Variants in CUZD1 observed in about 807,000 individuals in gnomAD.
The protein encoded by CUZD1 is CUB and zona pellucida like domains 1, also known as CUB and zona pellucida-like domain-containing protein 1.
A neutral mutation model predicts 53.1 loss-of-function variants in CUZD1; 42 were observed. The observed-to-expected ratio is 0.79, with a 90% CI of 0.62 to 1.02. CUZD1 has a LOEUF of 1.02. Among genes scored for constraint, CUZD1 ranks in the 50% least tolerant of loss-of-function variants. The probability of loss-of-function intolerance (pLI) is 0.00; values close to 1 mark genes in which losing one functional copy is unlikely to be tolerated. For synonymous variants in CUZD1, 238 were observed against 257.2 expected, an observed-to-expected ratio of 0.93 and a Z score of 0.71; for missense variants, 670 against 715.7, an observed-to-expected ratio of 0.94 and a Z score of 0.73.
At chr10:122,838,463 C>T (rs573090381) in intron 3 of CUZD1, among the ~76,000 whole-genome samples, 7 of 152,280 alleles carry the variant, frequency 4.6e-5, no homozygotes, top group African/African-American at 1.7e-4. Flanking sequence ...AATGTAGCCT[C>T]CAATCACCTG....
rs746422142 is a variant in CUZD1 at position 122,832,491 on chromosome 10, G to A, written c.1652-41C>T. 10 of 1,588,680 alleles carry A rather than the reference G, an allele frequency of 6.3e-6. No individual in the cohort carries two copies. In the South Asian group the frequency reaches 1.1e-4, roughly 18 times the overall value. On this transcript the variant is annotated intron_variant, in intron 8 of 8. Coordinates refer to ENST00000392790, the MANE Select transcript of CUZD1 (RefSeq NM_022034.6). ...AGATGAAAATCACTTTTTAAGAAGT[G>A]TTCACATTATAAAATGTTGGTAGCT... is the stretch of plus-strand genomic sequence containing the variant.
intron 7 of CUZD1, among the ~76,000 whole-genome samples, chr10:122,834,206 C>T (rs1318490567): frequency 6.6e-6 from 1 of 152,126 alleles, no homozygotes; most frequent in African/African-American, 2.4e-5. Context: ...TCCTTACGTG[C>T]TTATCATTAA....
At chr10:122,841,613 T>G (rs1252799639) in intron 1 of CUZD1, among the ~76,000 whole-genome samples, 1 of 152,200 alleles carries the variant, frequency 6.6e-6, no homozygotes, top group East Asian at 1.9e-4. Context: ...TCTTTATTTC[T>G]CTAGCATAAA....
At chr10:122,833,053 T>C (rs1267951438) in intron 8 of CUZD1, among the ~76,000 whole-genome samples, 1 of 152,226 alleles carries the variant, frequency 6.6e-6, no homozygotes. Flanking sequence ...AATACAGAGA[T>C]CATAAGGTCC....
chr10:122,844,124 G>A (rs1847394340), intron 1 of CUZD1, among the ~76,000 whole-genome samples: 1 of 151,508 alleles, frequency 6.6e-6, no homozygotes, highest in South Asian at 2.1e-4. Context: ...AAACTACTGG[G>A]CTCAAGTGAT....
intron 7 of CUZD1, 100 bp from the exon 8 acceptor site, chr10:122,834,040 T>G: frequency 9.6e-7 from 1 of 1,042,490 alleles, no homozygotes; most frequent in Non-Finnish European, 1.4e-6. Context: ...TCCAAAAATC[T>G]CTCTCAAAAG....
At chr10:122,837,260 T>C in intron 4 of CUZD1, 144 bp downstream of exon 4, 1 of 888,524 alleles carries the variant, frequency 1.1e-6, no homozygotes. Context: ...AATGGAATAG[T>C]ATCACTGTTT....
intron 4 of CUZD1, 28 bp downstream of exon 4, chr10:122,837,376 T>G (rs779271752): frequency 6.2e-7 from 1 of 1,613,198 alleles, no homozygotes; most frequent in African/African-American, 1.3e-5. Context: ...CTGCATTTGT[T>G]CCAACAGAAT....
chr10:122,832,541 T>C lies in CUZD1; in HGVS notation c.1652-91A>G. On this transcript the variant is annotated intron_variant, in intron 8 of 8. Coordinates refer to ENST00000392790, the MANE Select transcript of CUZD1 (RefSeq NM_022034.6). ...TTTTATAATACCTGTACATATCCTA[T>C]GAATCTTATATATGAATTAATGTAT... 4 of 1,054,062 alleles carry C rather than the reference T, an allele frequency of 3.8e-6. No homozygotes were observed. In the South Asian group the frequency reaches 5.0e-5, roughly 13 times the overall value. 65.3% of individuals were successfully genotyped at this position (1,054,062 alleles called of 1,614,324 possible).
chr10:122,833,589 T>G, intron 8 of CUZD1, 83 bp downstream of exon 8: 1 of 1,393,782 alleles, frequency 7.2e-7, no homozygotes. Context: ...CTCTAAACTG[T>G]ACATGCTTAA....
chr10:122,832,525 A>C, intron 8 of CUZD1, 75 bp from the exon 9 acceptor site: 1 of 1,266,680 alleles, frequency 7.9e-7, no homozygotes, highest in Non-Finnish European at 1.1e-6. Flanking sequence ...CTTTTATAAT[A>C]CCTGTACATA....
chr10:122,834,719 G>C lies in CUZD1; in HGVS notation c.1369C>G (p.Leu457Val), dbSNP rs368644334. The C allele has an allele frequency of 1.9e-6, 3 of 1,604,020 alleles. No individual in the cohort carries two copies. In the South Asian group the frequency reaches 3.3e-5, roughly 18 times the overall value. The change falls in exon 7 of 9, where the codon CTA (leucine) becomes GTA (valine). Residue 457 changes from leucine (L) to valine (V), a missense_variant. Leu to Val is a conservative substitution (Grantham distance 32). Transcript: ENST00000392790. The stretch of plus-strand genomic sequence containing the variant: ...ATTAATACATACCCACTCTTGATTA[G>C]GTCGTAGGTTGGAGATGCAAAGTCA... ...TSDFASPTYD[L>V]IKSGCSRDET... is the part of the protein sequence containing the mutation.
chr10:122,837,002 C>A lies in CUZD1; in HGVS notation c.646G>T (p.Asp216Tyr). 2 of 1,613,856 alleles carry A rather than the reference C, an allele frequency of 1.2e-6. No individual in the cohort carries two copies. The highest frequency in any genetic ancestry group is 1.7e-6 in the Non-Finnish European group (2 of 1,179,822). ...QCKFDFLAIY[D>Y]GPSTNSGLIG... ...AGGCCAGAGTTGGTGGAGGGGCCAT[C>A]ATAGATGGCAAGAAAATCAAATTTG... The change falls in exon 5 of 9, where the codon GAT becomes TAT. Residue 216 changes from aspartate to tyrosine, a missense_variant. Coordinates refer to ENST00000392790, the MANE Select transcript of CUZD1 (RefSeq NM_022034.6).
rs149964494 is a variant in CUZD1 at position 122,833,678 on chromosome 10, T to G, written c.1645A>C (p.Asn549His). 8.1e-5 allele frequency: 131 copies of G among 1,612,626 alleles called. No individual in the cohort carries two copies. The highest frequency in any genetic ancestry group is 1.1e-4 in the Non-Finnish European group (125 of 1,179,136). Reference protein sequence around the residue: ...RLKRDRSASGNSGFQHETHAE... With the variant: ...RLKRDRSASGHSGFQHETHAE... Reference sequence around the variant, plus strand: ...GGAATAGCTTTTTTCTTACCTGAATTGCCACTTGCACTTCGATCCCTTTTC... The same window carrying G: ...GGAATAGCTTTTTTCTTACCTGAATGGCCACTTGCACTTCGATCCCTTTTC... The change falls in exon 8 of 9, where the codon AAT (asparagine) becomes CAT (histidine). Residue 549 changes from asparagine to histidine, a missense_variant. Transcript: ENST00000392790.
chr10:122,834,005 A>G (rs981568097), intron 7 of CUZD1, 65 bp from the exon 8 acceptor site: 10 of 1,466,796 alleles, frequency 6.8e-6, no homozygotes, highest in African/African-American at 1.4e-5. Context: ...CATACTAAAA[A>G]GTTTTCTCTC....
intron 1 of CUZD1, among the ~76,000 whole-genome samples, chr10:122,843,488 A>C (rs912012030): frequency 6.6e-6 from 1 of 152,200 alleles, no homozygotes; most frequent in Non-Finnish European, 1.5e-5. Context: ...AACAGCAAGG[A>C]AAAAAGTTTG....
In CUZD1 at chr10:122,845,796, G is replaced by A. The variant is rs867362224; in HGVS notation, c.48C>T (p.Ser16=). ...CCGCCATTGTCAGCTCCGCCAAACA[G>A]GAGAGAATTAAGAGGGTCAATGGCA... ...RLMPLTLLIL[S]CLAELTMAEA... Residue 16 remains serine, a synonymous_variant, in exon 1 of 9, where the codon TCC becomes TCT. Coordinates refer to ENST00000392790, the MANE Select transcript of CUZD1 (RefSeq NM_022034.6). 6.2e-7 allele frequency: 1 copy of A among 1,614,076 alleles called. No individual in the cohort carries two copies. The highest frequency in any genetic ancestry group is 1.1e-5 in the South Asian group (1 of 91,006).
intron 8 of CUZD1, among the ~76,000 whole-genome samples, 186 bp downstream of exon 8, chr10:122,833,486 T>C (rs1847190623): frequency 6.6e-6 from 1 of 152,230 alleles, no homozygotes; most frequent in African/African-American, 2.4e-5. Flanking sequence ...CTGCTTACAC[T>C]GTACATGGTA....
rs770124890 is a variant in CUZD1, at chr10:122,836,786, TC to T, written c.817+44del. On this transcript the variant is annotated intron_variant, in intron 5 of 8. Coordinates refer to ENST00000392790, the MANE Select transcript of CUZD1 (RefSeq NM_022034.6). ...AAATTAACAATTTCTACATATGCAA[TC>T]TTCGAAGAGCTCAAAATAGCTAAGA... is the stretch of plus-strand genomic sequence containing the variant. The T allele has an allele frequency of 2.0e-6, 3 of 1,481,786 alleles. No individual in the cohort carries two copies. In the African/African-American group the frequency reaches 4.2e-5, roughly 21 times the overall value. The allele number at this position is 1,481,786 out of a possible 1,614,324, so 91.8% of individuals were successfully genotyped here.
Sources: gnomAD v4.1 joint callset for allele counts (sites outside exome capture counted in the v4.1 genomes callset) on GRCh38, gnomAD v4.1.1 for gene constraint, MANE v1.5 for transcripts, NCBI Gene and HGNC (gene_info 2026-07-23, HGNC 2026-07-21) for gene names.